The following DLG2 variants were observed in gnomAD, a reference collection of about 807,000 sequenced individuals.
The protein encoded by DLG2 is disks large homolog 2.
DLG2 carries 45 observed loss-of-function variants against 132.5 expected under a neutral mutation model. The ratio of observed to expected loss-of-function variants is 0.34; its 90% confidence interval spans 0.27 to 0.44. The LOEUF is 0.44. DLG2 is among the 20% of genes least tolerant of loss of function. The pLI, the probability that DLG2 is intolerant of heterozygous loss-of-function variation, is 1.00. For synonymous variants in DLG2, 424 were observed against 419.6 expected (o/e 1.01, Z -0.13); for missense variants, 1,045 against 1,196.9 (o/e 0.87, Z 1.87).
chr11:85,286,888 G>A (rs1358660601), intron 3 of DLG2, among the ~76,000 whole-genome samples: 1 of 152,008 alleles, frequency 6.6e-6, no homozygotes, highest in Non-Finnish European at 1.5e-5. Flanking sequence ...AGCAAATAAA[G>A]AAATAGTCAC....
At chr11:83,782,337 A>C (rs868329557) in intron 18 of DLG2, among the ~76,000 whole-genome samples, 2 of 152,224 alleles carry the variant, frequency 1.3e-5, no homozygotes. Context: ...TTAATAAACC[A>C]TAGTCAAATT....
chr11:85,542,131 T>G (rs1259819165), intron 3 of DLG2, among the ~76,000 whole-genome samples: 1 of 152,192 alleles, frequency 6.6e-6, no homozygotes, highest in Non-Finnish European at 1.5e-5. Flanking sequence ...TACAAAGCAG[T>G]AGCACTTTTT....
intron 11 of DLG2, among the ~76,000 whole-genome samples, chr11:84,011,864 TG>T (rs2094910511): frequency 6.6e-6 from 1 of 152,096 alleles, no homozygotes; most frequent in Non-Finnish European, 1.5e-5. Context: ...AAGAAATACA[TG>T]TCCATAGCAC....
chr11:84,822,508 A>G lies in DLG2; in HGVS notation c.358-287777T>C, dbSNP rs188963421. ...TTTCCAAAAATTTAAACTCGCCTCA[A>G]AAGTTGTTTATGAAACATTAGGAAT... On this transcript the variant is annotated intron_variant, in intron 6 of 27. Transcript: ENST00000376104. Among the ~76,000 whole-genome samples the G allele has an allele frequency of 1.2e-3, 185 of 152,064 alleles. 2 individuals are homozygous for G. The highest frequency in any genetic ancestry group is 4.2e-3 in the African/African-American group (174 of 41,554).
chr11:83,657,277 AG>A (rs141061769), intron 18 of DLG2, among the ~76,000 whole-genome samples: 7,268 of 152,260 alleles, frequency 0.048, 570 homozygotes, highest in African/African-American at 0.17. Context: ...CCCCATCAGC[AG>A]GAGTGAGGTG....
At chr11:83,745,506 T>G (rs1267935172) in intron 18 of DLG2, among the ~76,000 whole-genome samples, 1 of 152,066 alleles carries the variant, frequency 6.6e-6, no homozygotes, top group Non-Finnish European at 1.5e-5. Context: ...TATACTCAAG[T>G]CTTTCCTTTC....
chr11:83,577,559 AATATATAT>A (rs1167372199), intron 19 of DLG2, among the ~76,000 whole-genome samples: 1,653 of 78,424 alleles, frequency 0.021, 90 homozygotes, highest in African/African-American at 0.075. Context: ...GAATTAATAG[AATATATAT>A]ATATATATAT....
upstream of DLG2, chr11:85,627,387 T>C (rs1429186598): frequency 6.6e-6 from 1 of 151,958 alleles, no homozygotes; most frequent in East Asian, 1.9e-4. Flanking sequence ...GACATTAAAG[T>C]GACAGTGCTA....
intron 7 of DLG2, among the ~76,000 whole-genome samples, chr11:84,498,616 C>G (rs1339791741): frequency 6.6e-6 from 1 of 152,016 alleles, no homozygotes; most frequent in South Asian, 2.1e-4. Flanking sequence ...TTGGCTGAAA[C>G]AGCAAAGCAG....
At chr11:83,488,309 G>GTGAC (rs1461094714) in intron 21 of DLG2, among the ~76,000 whole-genome samples, 2 of 151,822 alleles carry the variant, frequency 1.3e-5, no homozygotes, top group African/African-American at 2.4e-5. Flanking sequence ...CTTTCATGTT[G>GTGAC]TGACAGACAT....
chr11:85,536,727 T>C (rs1256897567), intron 3 of DLG2, among the ~76,000 whole-genome samples: 1 of 152,260 alleles, frequency 6.6e-6, no homozygotes, highest in African/African-American at 2.4e-5. Context: ...AGCGGGCTGA[T>C]GCCTGCTGGG....
At chr11:83,984,651 C>T (rs1366884783) in intron 11 of DLG2, among the ~76,000 whole-genome samples, 4 of 152,042 alleles carry the variant, frequency 2.6e-5, no homozygotes, top group African/African-American at 2.4e-5. Context: ...CTGCTGCTAT[C>T]GAGCACGGCC....
At chr11:84,961,439 C>G (rs984862928) in intron 6 of DLG2, among the ~76,000 whole-genome samples, 4 of 151,814 alleles carry the variant, frequency 2.6e-5, no homozygotes, top group African/African-American at 9.7e-5. Flanking sequence ...CAGGCCCAAC[C>G]TTTCTCCTGT....
At chr11:84,298,539 T>C (rs2098118431) in intron 7 of DLG2, among the ~76,000 whole-genome samples, 2 of 152,238 alleles carry the variant, frequency 1.3e-5, no homozygotes, top group Non-Finnish European at 2.9e-5. Context: ...TTTCAGGTCC[T>C]ATCCTGGCAA....
At chr11:85,482,154 AG>A (rs1243938391) in intron 3 of DLG2, among the ~76,000 whole-genome samples, 2 of 152,066 alleles carry the variant, frequency 1.3e-5, no homozygotes, top group African/African-American at 4.8e-5. Flanking sequence ...CCCAAGCTTC[AG>A]GCCCACTTGA....
At chr11:85,468,797 G>T (rs954987509) in intron 3 of DLG2, among the ~76,000 whole-genome samples, 4 of 152,146 alleles carry the variant, frequency 2.6e-5, no homozygotes, top group African/African-American at 9.7e-5. Flanking sequence ...TGTTGATTTG[G>T]GGTGCAGAGT....
chr11:83,770,706 T>G (rs1264515822), intron 18 of DLG2, among the ~76,000 whole-genome samples: 5 of 152,224 alleles, frequency 3.3e-5, no homozygotes, highest in African/African-American at 4.8e-5. Context: ...TCTTTATAGC[T>G]TGTTCTGTAC....
At chr11:84,940,272 T>C (rs1392947209) in intron 6 of DLG2, among the ~76,000 whole-genome samples, 1 of 152,210 alleles carries the variant, frequency 6.6e-6, no homozygotes, top group Non-Finnish European at 1.5e-5. Flanking sequence ...TGCCTCAGCC[T>C]CCTGAGTAGC....
chr11:84,742,900 A>G (rs1399759894), intron 6 of DLG2, among the ~76,000 whole-genome samples: 1 of 152,130 alleles, frequency 6.6e-6, no homozygotes, highest in Admixed American at 6.5e-5. Flanking sequence ...TTGGAATCAT[A>G]CAATATGTAG....
Sources: allele counts gnomAD v4.1 joint callset (sites outside exome capture counted in the v4.1 genomes callset), GRCh38; gene constraint gnomAD v4.1.1; transcripts MANE v1.5; gene names NCBI Gene and HGNC (gene_info 2026-07-23, HGNC 2026-07-21).